The following LSM8 variants were observed in gnomAD, a reference collection of about 807,000 sequenced individuals.
The protein encoded by LSM8 is LSM8 homolog, U6 small nuclear RNA associated.
LSM8 carries 14 observed loss-of-function variants against 15.0 expected under a neutral mutation model. The ratio of observed to expected loss-of-function variants is 0.93; its 90% CI spans 0.62 to 1.46. The LOEUF is 1.46. Ranked by LOEUF, LSM8 falls within the 40% of genes most tolerant of loss-of-function variation. The pLI is 0.00. For missense variants in LSM8, 90 were observed against 115.4 expected, an observed-to-expected ratio of 0.78 and a Z score of 1.01; for synonymous variants, 50 against 42.1, an observed-to-expected ratio of 1.19 and a Z score of -0.73.
rs1562864035 is a variant in LSM8, at chr7:118,196,408, A to G, written c.*4406A>G. Among the ~76,000 whole-genome samples the G allele has an allele frequency of 2.6e-5, 4 of 151,732 alleles. No homozygotes were observed. The highest frequency in any genetic ancestry group is 2.9e-5 in the Non-Finnish European group (2 of 67,948). On this transcript the variant is annotated 3_prime_UTR_variant, in exon 4 of 4. Transcript: ENST00000249299. ...TTCAAGTCAATTATTTTCCCCATCT[A>G]TTTTTTTTCTTTTAAGATTGCTAAG...
rs772641516 is a variant in LSM8 at position 118,194,883 on chromosome 7, T to C, written c.*2881T>C. ...TGCTGAGTGCTTACAATGATCATTT[T>C]ATATATGGGAAAATTGAGGCTCAGC... On this transcript the variant is annotated 3_prime_UTR_variant, in exon 4 of 4. Transcript: ENST00000249299. Among the ~76,000 whole-genome samples the C allele has an allele frequency of 7.2e-5, 11 of 152,176 alleles. No homozygotes were observed. The highest frequency in any genetic ancestry group is 1.5e-4 in the Non-Finnish European group (10 of 68,016).
At position 118,200,707 on chromosome 7, in the gene LSM8, G is replaced by T. The variant is rs920169031; in HGVS notation, c.*8705G>T. ...ATTTAATTAATTGATAAATCACATT[G>T]TACTTTATAAGAGTTTATTCCTTAA... On this transcript the variant is annotated 3_prime_UTR_variant, in exon 4 of 4. Coordinates refer to ENST00000249299, the MANE Select transcript of LSM8 (RefSeq NM_016200.5). Among the ~76,000 whole-genome samples the T allele has an allele frequency of 6.6e-6, 1 of 151,910 alleles. No homozygotes were observed. Among genetic ancestry groups the T allele is most frequent in the Non-Finnish European group, 1.5e-5 (1 of 67,970 alleles).
chr7:118,200,803 G>A lies in LSM8; in HGVS notation c.*8801G>A, dbSNP rs1284296975. ...AAGGCAATCAACATTTTAATGGAAC[G>A]AACTGAGGTTTGCAATTGCTAATGT... On this transcript the variant is annotated 3_prime_UTR_variant, in exon 4 of 4. Transcript: ENST00000249299. Among the ~76,000 whole-genome samples, 3 of 151,934 alleles carry A rather than the reference G, an allele frequency of 2.0e-5. No homozygotes were observed. Among genetic ancestry groups the A allele is most frequent in the East Asian group, 1.9e-4 (1 of 5,180 alleles).
rs757166139 is a variant in LSM8 at position 118,191,929 on chromosome 7, TC to T, written c.219del (p.Ile73MetfsTer19). On this transcript the variant is annotated frameshift_variant, in exon 4 of 4. Transcript: ENST00000249299. LOFTEE classifies it high-confidence loss of function. ...RGDNVAVIGE[I>X]DEETDSALDL... ...TTTTTTAGTGCAGTCATTGGAGAAATCGATGAAGAAACAGATTCTGCGCTTG... is the reference window on the plus strand; with the variant it reads ...TTTTTTAGTGCAGTCATTGGAGAAATGATGAAGAAACAGATTCTGCGCTTG... The T allele has an allele frequency of 6.2e-7, 1 of 1,612,450 alleles. No homozygotes were observed.
rs568451784 is a variant in LSM8 at position 118,191,867 on chromosome 7, TA to T, written c.201-43del. 8,371 of 1,433,504 alleles carry T rather than the reference TA, an allele frequency of 5.8e-3. 41 individuals are homozygous for T. The highest frequency in any genetic ancestry group is 7.3e-3 in the Non-Finnish European group (7,508 of 1,023,600). 88.8% of individuals were successfully genotyped at this position (1,433,504 alleles called of 1,614,324 possible). A position where few individuals can be genotyped will look rare whatever the true frequency, so the allele number is the denominator to read the frequency against. The stretch of plus-strand genomic sequence containing the variant: ...ATTAGTAAGATTTTTGAAACACATG[TA>T]ATTTATTTCAGAAATGTGATTGTTT... On this transcript the variant is annotated intron_variant, in intron 3 of 3. Transcript: ENST00000249299.
intron 1 of LSM8, chr7:118,185,047 C>T (rs1220226145): frequency 6.6e-6 from 1 of 152,112 alleles, no homozygotes; most frequent in African/African-American, 2.4e-5. Context: ...ATCCACTTTT[C>T]ATTTTAGAAA....
intron 1 of LSM8, chr7:118,185,270 T>A: frequency 6.2e-6 from 1 of 161,860 alleles, no homozygotes; most frequent in Non-Finnish European, 1.3e-5. Flanking sequence ...TTTTTTTTTC[T>A]TTTTTTGAGT....
At position 118,202,187 on chromosome 7, in the gene LSM8, A is replaced by C. The variant is rs1307766389; in HGVS notation, c.*10185A>C. Among the ~76,000 whole-genome samples, 2 of 152,226 alleles carry C rather than the reference A, an allele frequency of 1.3e-5. No individual in the cohort carries two copies. Among genetic ancestry groups the C allele is most frequent in the South Asian group, 4.1e-4 (2 of 4,824 alleles). ...TTGTTTTTGTTTTTGCTTGTGTCAC[A>C]CATAATGCTGATGAAGAAACCATGA... On this transcript the variant is annotated 3_prime_UTR_variant, in exon 4 of 4. Transcript: ENST00000249299.
At position 118,202,515 on chromosome 7, in the gene LSM8, G is replaced by A. The variant is rs1237971930; in HGVS notation, c.*10513G>A. ...AATTAGAATAAAGAAAGATGAAATA[G>A]GAAAGTGAGATTATCATATGGGAAA... On this transcript the variant is annotated 3_prime_UTR_variant, in exon 4 of 4. Transcript: ENST00000249299. Among the ~76,000 whole-genome samples, 4 of 151,930 alleles carry A rather than the reference G, an allele frequency of 2.6e-5. No homozygotes were observed. The highest frequency in any genetic ancestry group is 4.4e-5 in the Non-Finnish European group (3 of 67,934).
rs1255795382 is a variant in LSM8 at position 118,203,780 on chromosome 7, T to TATA, written c.*11780_*11781insAAT. On this transcript the variant is annotated 3_prime_UTR_variant, in exon 4 of 4. Transcript: ENST00000249299. ...ATAATTTGTGATTTCAAACATTTAA[T>TATA]ATGTGCACATGTATATTATAATATA... Among the ~76,000 whole-genome samples, 3 of 151,842 alleles carry TATA rather than the reference T, an allele frequency of 2.0e-5. No homozygotes were observed. The highest frequency in any genetic ancestry group is 4.4e-5 in the Non-Finnish European group (3 of 67,792).
chr7:118,193,728 TTAAA>T lies in LSM8; in HGVS notation c.*1730_*1733del, dbSNP rs1363029619. 1.4e-4 allele frequency among the ~76,000 whole-genome samples: 22 copies of T among 152,192 alleles called. 1 individual carries two copies. Among genetic ancestry groups the T allele is most frequent in the African/African-American group, 5.1e-4 (21 of 41,556 alleles). On this transcript the variant is annotated 3_prime_UTR_variant, in exon 4 of 4. Transcript: ENST00000249299. ...TGAATTGGTAAAGTAATTCCAAAAATTAAATAAGAATACACATTGTTCAGTTGCT... is the reference window on the plus strand; with the variant it reads ...TGAATTGGTAAAGTAATTCCAAAAATTAAGAATACACATTGTTCAGTTGCT...
chr7:118,188,217 A>C, intron 2 of LSM8, 61 bp from the exon 3 acceptor site: 1 of 1,573,504 alleles, frequency 6.4e-7, no homozygotes, highest in South Asian at 1.1e-5. Flanking sequence ...TGTGAGGTTA[A>C]ATTTACACTT....
rs1809045886 is a variant in LSM8, at chr7:118,194,596, A to G, written c.*2594A>G. Among the ~76,000 whole-genome samples, 1 of 152,194 alleles carries G rather than the reference A, an allele frequency of 6.6e-6. No individual in the cohort carries two copies. Among genetic ancestry groups the G allele is most frequent in the Admixed American group, 6.5e-5 (1 of 15,284 alleles). On this transcript the variant is annotated 3_prime_UTR_variant, in exon 4 of 4. Transcript: ENST00000249299. ...TTTTTAAGGTAATAATGTGAGATAT[A>G]AGTATGATAAAAACAACTTTTAAAT...
chr7:118,192,439 A>G lies in LSM8; in HGVS notation c.*437A>G, dbSNP rs902888691. 6.5e-6 allele frequency: 1 copy of G among 153,754 alleles called. No homozygotes were observed. Among genetic ancestry groups the G allele is most frequent in the African/African-American group, 2.4e-5 (1 of 41,454 alleles). The allele number at this position is 153,754 out of a possible 1,614,324, so 9.5% of individuals were successfully genotyped here. A position where few individuals can be genotyped will look rare whatever the true frequency, so the allele number is the denominator to read the frequency against. On this transcript the variant is annotated 3_prime_UTR_variant, in exon 4 of 4. Transcript: ENST00000249299. Reference sequence around the variant, plus strand: ...TGCTGGAGTTATCTGAATCATTGGCATTTATCCGATTCCACTGGTGGTAGT... The same window carrying G: ...TGCTGGAGTTATCTGAATCATTGGCGTTTATCCGATTCCACTGGTGGTAGT...
chr7:118,187,019 T>A (rs1808900087), intron 2 of LSM8, among the ~76,000 whole-genome samples: 1 of 152,224 alleles, frequency 6.6e-6, no homozygotes, highest in African/African-American at 2.4e-5. Context: ...AGTTCTAAAG[T>A]TCAGTAGTTC....
rs1326059422 is a variant in LSM8, at chr7:118,194,966, A to G, written c.*2964A>G. ...TAAGTAACAGTGCTCAAATTCAACT[A>G]GGTCTTTCAGCTTTTTATACAATAC... On this transcript the variant is annotated 3_prime_UTR_variant, in exon 4 of 4. Transcript: ENST00000249299. Among the ~76,000 whole-genome samples the G allele has an allele frequency of 1.3e-5, 2 of 152,152 alleles. No individual in the cohort carries two copies. Among genetic ancestry groups the G allele is most frequent in the African/African-American group, 4.8e-5 (2 of 41,444 alleles).
chr7:118,185,176 A>G lies in LSM8; in HGVS notation c.32-478A>G, dbSNP rs1172017167. 8 of 152,342 alleles carry G rather than the reference A, an allele frequency of 5.3e-5. No homozygotes were observed. The East Asian group carries it at 1.2e-3, about 22-fold the overall frequency. 9.4% of individuals were successfully genotyped at this position (152,342 alleles called of 1,614,324 possible). The stretch of plus-strand genomic sequence containing the variant: ...TAAGATACACCGATCACATACAGAA[A>G]GAGGTTTTCTTTTTCTATTTTTTCC... On this transcript the variant is annotated intron_variant, in intron 1 of 3. Transcript: ENST00000249299.
chr7:118,184,334 G>C (rs1343507004), intron 1 of LSM8, 80 bp downstream of exon 1: 1 of 1,383,102 alleles, frequency 7.2e-7, no homozygotes, highest in African/African-American at 1.5e-5. Context: ...AGGTTGGGAG[G>C]CCTGGCCTCG....
In LSM8 at chr7:118,201,195, G is replaced by A. The variant is rs1320581413; in HGVS notation, c.*9193G>A. Reference sequence around the variant, plus strand: ...TTCATTAACTGTTAGCAGTTATTTCGAGTTATTTATATATCACAGAATTTT... The same window carrying A: ...TTCATTAACTGTTAGCAGTTATTTCAAGTTATTTATATATCACAGAATTTT... On this transcript the variant is annotated 3_prime_UTR_variant, in exon 4 of 4. Transcript: ENST00000249299. Among the ~76,000 whole-genome samples, 1 of 151,790 alleles carries A rather than the reference G, an allele frequency of 6.6e-6. No homozygotes were observed. The highest frequency in any genetic ancestry group is 1.5e-5 in the Non-Finnish European group (1 of 67,930).
Sources: gnomAD v4.1 joint callset for allele counts (sites outside exome capture counted in the v4.1 genomes callset) on GRCh38, gnomAD v4.1.1 for gene constraint, MANE v1.5 for transcripts, NCBI Gene and HGNC (gene_info 2026-07-23, HGNC 2026-07-21) for gene names.